The following TAFA5 variants were observed in gnomAD, a reference collection of about 807,000 sequenced individuals.
TAFA5 encodes the protein chemokine-like protein TAFA-5.
A neutral mutation model predicts 15.3 loss-of-function variants in TAFA5; 6 were observed. That is an observed-to-expected ratio of 0.39 (90% CI 0.21 to 0.77). The LOEUF is 0.77. Ranked by LOEUF, TAFA5 falls within the 30% of genes least tolerant of loss-of-function variation. The pLI is 0.41. For missense variants in TAFA5, 161 were observed against 193.1 expected (o/e 0.83, Z 0.98); for synonymous variants, 103 against 80.7 (o/e 1.28, Z -1.48).
intron 3 of TAFA5, among the ~76,000 whole-genome samples, chr22:48,727,289 C>T (rs1929742405): frequency 6.6e-6 from 1 of 152,050 alleles, no homozygotes. Context: ...ACAATTGGTG[C>T]ATGAAAATAA....
At chr22:48,546,084 C>T (rs776320436) in intron 1 of TAFA5, among the ~76,000 whole-genome samples, 7 of 152,172 alleles carry the variant, frequency 4.6e-5, no homozygotes, top group Non-Finnish European at 7.4e-5. Flanking sequence ...CATCCCATCA[C>T]GGGCACAACT....
intron 1 of TAFA5, among the ~76,000 whole-genome samples, chr22:48,548,652 G>A (rs1325741597): frequency 1.3e-5 from 2 of 152,226 alleles, no homozygotes. Flanking sequence ...CATTTCACAG[G>A]GGCAGGCCCA....
At chr22:48,590,266 T>C (rs377328938) in intron 1 of TAFA5, among the ~76,000 whole-genome samples, 1 of 152,228 alleles carries the variant, frequency 6.6e-6, no homozygotes, top group East Asian at 1.9e-4. Flanking sequence ...CCAGAAATTC[T>C]TAATGCTCCT....
chr22:48,631,149 C>T (rs775965082), intron 1 of TAFA5, among the ~76,000 whole-genome samples: 11 of 152,216 alleles, frequency 7.2e-5, no homozygotes, highest in Non-Finnish European at 1.3e-4. Flanking sequence ...GTCAGGGGAC[C>T]GGGGCTGGGA....
At chr22:48,592,856 C>T (rs28669352) in intron 1 of TAFA5, among the ~76,000 whole-genome samples, 44,681 of 152,072 alleles carry the variant, frequency 0.29, 7,123 homozygotes, top group African/African-American at 0.42. Context: ...CCTGGAATCC[C>T]TCCTGTGTGT....
chr22:48,674,507 G>A (rs911538399), intron 2 of TAFA5, among the ~76,000 whole-genome samples: 6 of 152,206 alleles, frequency 3.9e-5, no homozygotes, highest in East Asian at 1.9e-4. Context: ...TTTGCACAAC[G>A]GTGATCTCGG....
intron 1 of TAFA5, among the ~76,000 whole-genome samples, chr22:48,528,292 G>A (rs1460923457): frequency 6.6e-6 from 1 of 152,200 alleles, no homozygotes; most frequent in East Asian, 1.9e-4. Context: ...GAGGACTCCA[G>A]TAGGGCCTTG....
chr22:48,625,544 C>A (rs561826232), intron 1 of TAFA5, among the ~76,000 whole-genome samples: 41 of 152,318 alleles, frequency 2.7e-4, no homozygotes, highest in African/African-American at 9.6e-4. Context: ...ACGATCAGGT[C>A]CTTTTGCTTT....
intron 2 of TAFA5, among the ~76,000 whole-genome samples, chr22:48,692,374 A>G (rs1928570300): frequency 1.3e-5 from 2 of 152,242 alleles, no homozygotes; most frequent in Non-Finnish European, 2.9e-5. Context: ...GGCAAGAAGC[A>G]TATTTTGGGA....
chr22:48,686,236 G>A (rs1203736637), intron 2 of TAFA5, among the ~76,000 whole-genome samples: 2 of 152,210 alleles, frequency 1.3e-5, no homozygotes, highest in Admixed American at 6.5e-5. Context: ...AGGTTTCACT[G>A]TGCCTTTGTC....
chr22:48,496,486 G>A (rs1017764176), intron 1 of TAFA5, among the ~76,000 whole-genome samples: 4 of 152,192 alleles, frequency 2.6e-5, no homozygotes, highest in African/African-American at 4.8e-5. Flanking sequence ...AGAAGGTCAC[G>A]TGGATGTGGA....
chr22:48,635,225 G>A (rs1192338667), intron 1 of TAFA5, among the ~76,000 whole-genome samples: 1 of 152,222 alleles, frequency 6.6e-6, no homozygotes, highest in African/African-American at 2.4e-5. Flanking sequence ...GCCAGGGCTG[G>A]GTCTGAGAGG....
intron 1 of TAFA5, chr22:48,544,845 G>T (rs1922604125): frequency 2.1e-6 from 1 of 471,116 alleles, no homozygotes; most frequent in African/African-American, 2.0e-5. Context: ...TGCCTCTGAG[G>T]TGAGAGAGCC....
chr22:48,660,019 G>T (rs1415712574), intron 2 of TAFA5, among the ~76,000 whole-genome samples: 1 of 152,220 alleles, frequency 6.6e-6, no homozygotes, highest in African/African-American at 2.4e-5. Flanking sequence ...TCCGGGTGTG[G>T]GGCGGGGACG....
In TAFA5 at chr22:48,584,900, TCACACACACACAC is replaced by T. The variant is rs532800539; in HGVS notation, c.113-61683_113-61671del. The stretch of plus-strand genomic sequence containing the variant: ...AAGCACACCATTCACAAAATACATC[TCACACACACACAC>T]CACACACACACACACAAAATACACT... On this transcript the variant is annotated intron_variant, in intron 1 of 3. Coordinates refer to ENST00000402357, the MANE Select transcript of TAFA5 (RefSeq NM_001082967.3). Among the ~76,000 whole-genome samples the T allele has an allele frequency of 1.8e-3, 213 of 119,142 alleles. 3 individuals are homozygous for T. The Middle Eastern group carries it at 0.032, about 18-fold the overall frequency. 78.2% of individuals were successfully genotyped at this position (119,142 alleles called of 152,430 possible).
In TAFA5 at chr22:48,682,148, C is replaced by T. The variant is rs61416038; in HGVS notation, c.263-25569C>T. Among the ~76,000 whole-genome samples the T allele has an allele frequency of 1.4e-3, 212 of 152,290 alleles. 1 individual carries two copies. The highest frequency in any genetic ancestry group is 4.6e-3 in the African/African-American group (191 of 41,552). ...GTGTTCAGAGGATCCAGAACTCTGTCCTCCTGCTCCAGGTTGTGGCCAGCA... is the reference window on the plus strand; with the variant it reads ...GTGTTCAGAGGATCCAGAACTCTGTTCTCCTGCTCCAGGTTGTGGCCAGCA... On this transcript the variant is annotated intron_variant, in intron 2 of 3. Coordinates refer to ENST00000402357, the MANE Select transcript of TAFA5 (RefSeq NM_001082967.3).
At position 48,619,504 on chromosome 22, in the gene TAFA5, C is replaced by T. The variant is rs573498653; in HGVS notation, c.113-27093C>T. Among the ~76,000 whole-genome samples the T allele has an allele frequency of 2.0e-4, 31 of 151,688 alleles. No individual in the cohort carries two copies. In the South Asian group the frequency reaches 4.8e-3, roughly 23 times the overall value. ...CCGAGTAGCTGGGACTACAGGTGCCCACCACCACACCCAGCTAATTTTTGT... is the reference window on the plus strand; with the variant it reads ...CCGAGTAGCTGGGACTACAGGTGCCTACCACCACACCCAGCTAATTTTTGT... On this transcript the variant is annotated intron_variant, in intron 1 of 3. Coordinates refer to ENST00000402357, the MANE Select transcript of TAFA5 (RefSeq NM_001082967.3).
intron 3 of TAFA5, among the ~76,000 whole-genome samples, chr22:48,725,578 A>G (rs763785480): frequency 1.3e-5 from 2 of 152,180 alleles, no homozygotes; most frequent in Non-Finnish European, 2.9e-5. Flanking sequence ...GGTTTTCTGA[A>G]TGAAATAGAA....
At chr22:48,584,091 TATATC>T (rs1357560946) in intron 1 of TAFA5, among the ~76,000 whole-genome samples, 3 of 113,906 alleles carry the variant, frequency 2.6e-5, no homozygotes, top group Middle Eastern at 8.9e-3. Flanking sequence ...ACTCACAAAA[TATATC>T]ACACACACAC....
Sources: allele counts gnomAD v4.1 joint callset (sites outside exome capture counted in the v4.1 genomes callset), GRCh38; gene constraint gnomAD v4.1.1; transcripts MANE v1.5; gene names NCBI Gene and HGNC (gene_info 2026-07-23, HGNC 2026-07-21).